The following GLDC variants were observed in gnomAD, a reference collection of about 807,000 sequenced individuals.
GLDC encodes the protein glycine dehydrogenase (decarboxylating), mitochondrial.
Under a neutral mutation model 121.3 loss-of-function variants are expected in GLDC, and 104 were observed. That is an observed-to-expected ratio of 0.86 (90% confidence interval 0.73 to 1.01). GLDC has a LOEUF of 1.01. Ranked by LOEUF, GLDC falls within the 50% of genes least tolerant of loss-of-function variation. The pLI, the probability that GLDC is intolerant of heterozygous loss-of-function variation, is 0.00. For synonymous variants in GLDC, 546 were observed against 480.6 expected (o/e 1.14, Z -1.78); for missense variants, 1,429 against 1,306.6 (o/e 1.09, Z -1.44).
intron 2 of GLDC, chr9:6,622,992 G>GT (rs1265844496): frequency 5.5e-6 from 1 of 182,268 alleles, no homozygotes; most frequent in African/African-American, 2.7e-5. Flanking sequence ...CGGGAGGGAG[G>GT]TGGGGGGTCA....
At chr9:6,584,860 C>T (rs1818237534) in intron 15 of GLDC, among the ~76,000 whole-genome samples, 1 of 152,182 alleles carries the variant, frequency 6.6e-6, no homozygotes, top group Non-Finnish European at 1.5e-5. Flanking sequence ...AGATCTCTTA[C>T]CCTCTGCAAG....
intron 2 of GLDC, among the ~76,000 whole-genome samples, chr9:6,631,476 A>G (rs1005332930): frequency 7.2e-5 from 11 of 152,232 alleles, no homozygotes; most frequent in Admixed American, 3.3e-4. Context: ...AACTTGGATC[A>G]TACTCCTTCC....
At chr9:6,602,268 T>C (rs1416153102) in intron 7 of GLDC, 63 bp from the exon 8 acceptor site, 3 of 979,900 alleles carry the variant, frequency 3.1e-6, no homozygotes, top group Middle Eastern at 2.0e-4. Context: ...ATGCTATAAA[T>C]AGAATTACTT....
chr9:6,540,509 T>A (rs1371144906), intron 21 of GLDC: 3 of 307,688 alleles, frequency 9.8e-6, no homozygotes, highest in African/African-American at 6.5e-5. Context: ...TTAAATGTGT[T>A]GTATAGTCCT....
At chr9:6,610,626 G>C (rs888925295) in intron 3 of GLDC, among the ~76,000 whole-genome samples, 7 of 151,964 alleles carry the variant, frequency 4.6e-5, no homozygotes, top group African/African-American at 1.7e-4. Context: ...TTTGAGACAG[G>C]GTCTCGCTCT....
intron 21 of GLDC, among the ~76,000 whole-genome samples, chr9:6,544,107 G>A (rs574918407): frequency 2.0e-5 from 3 of 152,268 alleles, no homozygotes; most frequent in Admixed American, 1.3e-4. Context: ...GAACTCACTG[G>A]GTAACTACTC....
chr9:6,616,053 C>T (rs111377960), intron 3 of GLDC, among the ~76,000 whole-genome samples: 2,256 of 152,348 alleles, frequency 0.015, 63 homozygotes, highest in African/African-American at 0.051. Context: ...CCTGCCTCAG[C>T]CTCCCAAGGA....
chr9:6,625,348 G>T (rs1473280170), intron 2 of GLDC, among the ~76,000 whole-genome samples: 1 of 152,174 alleles, frequency 6.6e-6, no homozygotes, highest in East Asian at 1.9e-4. Context: ...AAGCAGCACG[G>T]CTGAGAGAAC....
intron 15 of GLDC, among the ~76,000 whole-genome samples, chr9:6,575,805 C>G (rs138074318): frequency 2.5e-4 from 38 of 152,336 alleles, no homozygotes; most frequent in African/African-American, 8.9e-4. Flanking sequence ...TCTAAACTAG[C>G]AATTCCTAGA....
At chr9:6,562,663 G>C (rs936974410) in intron 16 of GLDC, among the ~76,000 whole-genome samples, 1 of 152,148 alleles carries the variant, frequency 6.6e-6, no homozygotes, top group African/African-American at 2.4e-5. Context: ...GGATTCAAGT[G>C]ATTCTCCTGC....
intron 7 of GLDC, among the ~76,000 whole-genome samples, chr9:6,604,263 T>G (rs1021732024): frequency 6.6e-6 from 1 of 152,218 alleles, no homozygotes; most frequent in Non-Finnish European, 1.5e-5. Flanking sequence ...GGCATAATGC[T>G]TTTGAGAACG....
At chr9:6,577,643 T>C (rs1002079694) in intron 15 of GLDC, among the ~76,000 whole-genome samples, 11 of 152,224 alleles carry the variant, frequency 7.2e-5, no homozygotes, top group African/African-American at 2.4e-4. Flanking sequence ...TTCTACCACC[T>C]AGAGACAACT....
chr9:6,555,836 A>G (rs1817614985), intron 18 of GLDC, among the ~76,000 whole-genome samples: 1 of 152,032 alleles, frequency 6.6e-6, no homozygotes, highest in Non-Finnish European at 1.5e-5. Context: ...AAACACCAAT[A>G]AGAGTCTCAA....
chr9:6,590,383 A>G (rs775867475), intron 11 of GLDC, among the ~76,000 whole-genome samples: 58 of 152,272 alleles, frequency 3.8e-4, no homozygotes, highest in Non-Finnish European at 7.3e-4. Context: ...TCCCCTCCAG[A>G]TCTCAGGGTG....
At chr9:6,596,326 T>C (rs1818493753) in intron 8 of GLDC, among the ~76,000 whole-genome samples, 1 of 152,108 alleles carries the variant, frequency 6.6e-6, no homozygotes, top group Non-Finnish European at 1.5e-5. Context: ...AACAAATTGA[T>C]GAGAAGTATA....
intron 16 of GLDC, among the ~76,000 whole-genome samples, chr9:6,560,886 G>C (rs1302305023): frequency 2.0e-5 from 3 of 152,194 alleles, no homozygotes; most frequent in South Asian, 2.1e-4. Flanking sequence ...TTTTGGGCTG[G>C]GCCCTAAATA....
chr9:6,607,144 T>G (rs937402473), intron 4 of GLDC, among the ~76,000 whole-genome samples: 2 of 152,144 alleles, frequency 1.3e-5, no homozygotes, highest in African/African-American at 4.8e-5. Context: ...TAGATCCAAT[T>G]CCCATTCTAA....
chr9:6,621,321 A>G (rs1394971830), intron 2 of GLDC, among the ~76,000 whole-genome samples: 1 of 152,182 alleles, frequency 6.6e-6, no homozygotes, highest in Non-Finnish European at 1.5e-5. Context: ...TAATAATAGC[A>G]TTTGACATTT....
chr9:6,574,758 G>A (rs775102124), intron 15 of GLDC, among the ~76,000 whole-genome samples: 50 of 151,976 alleles, frequency 3.3e-4, no homozygotes, highest in Admixed American at 4.6e-4. Flanking sequence ...GGGCTTACAG[G>A]TCTCTCATAT....
Sources: allele counts gnomAD v4.1 joint callset (sites outside exome capture counted in the v4.1 genomes callset), GRCh38; gene constraint gnomAD v4.1.1; transcripts MANE v1.5; gene names NCBI Gene and HGNC (gene_info 2026-07-23, HGNC 2026-07-21).